The following SERPINE3 variants were observed in gnomAD, a reference collection of about 807,000 sequenced individuals.
SERPINE3 encodes serpin family E member 3.
Under a neutral mutation model 41.7 loss-of-function variants are expected in SERPINE3, and 43 were observed. The ratio of observed to expected loss-of-function variants is 1.03; its 90% CI spans 0.81 to 1.33. The LOEUF is 1.33. SERPINE3 is among the 40% of genes most tolerant of loss of function. The probability of loss-of-function intolerance (pLI) is 0.00; values close to 1 mark genes in which losing one functional copy is unlikely to be tolerated. For missense variants in SERPINE3, 440 were observed against 491.7 expected, an observed-to-expected ratio of 0.89 and a Z score of 0.99; for synonymous variants, 200 against 192.2, an observed-to-expected ratio of 1.04 and a Z score of -0.34.
At chr13:51,348,147 G>T in intron 5 of SERPINE3, 66 bp from the exon 6 acceptor site, 1 of 1,266,942 alleles carries the variant, frequency 7.9e-7, no homozygotes, top group African/African-American at 1.5e-5. Flanking sequence ...CTCTCTCAGG[G>T]TCCGACACTG....
chr13:51,362,526 C>A (rs1353210774), intron 9 of SERPINE3: 1 of 152,526 alleles, frequency 6.6e-6, no homozygotes, highest in Non-Finnish European at 1.5e-5. Context: ...TCTTAATGTT[C>A]TTCCTCCCCC....
intron 8 of SERPINE3, 179 bp from the exon 9 acceptor site, chr13:51,361,631 T>C (rs938625198): frequency 1.6e-6 from 1 of 609,818 alleles, no homozygotes; most frequent in Non-Finnish European, 2.8e-6. Flanking sequence ...GGAGACAGGA[T>C]TGGCTAAATG....
At chr13:51,353,148 C>A (rs1955425474) in intron 6 of SERPINE3, among the ~76,000 whole-genome samples, 1 of 152,090 alleles carries the variant, frequency 6.6e-6, no homozygotes, top group South Asian at 2.1e-4. Flanking sequence ...CCTTCATAGC[C>A]ATACAAGACA....
In SERPINE3 at chr13:51,364,300, T is replaced by G. The variant is rs1955642430; in HGVS notation, c.*18T>G. 1 of 1,389,050 alleles carries G rather than the reference T, an allele frequency of 7.2e-7. No homozygotes were observed. The highest frequency in any genetic ancestry group is 1.4e-5 in the African/African-American group (1 of 69,408). 86.0% of individuals were successfully genotyped at this position (1,389,050 alleles called of 1,614,324 possible). The stretch of plus-strand genomic sequence containing the variant: ...TAGACTAAATGCATGTTCTCCACTT[T>G]CATCAATGCTTTTCTTCATAAAGTT... On this transcript the variant is annotated 3_prime_UTR_variant, in exon 10 of 10. Coordinates refer to ENST00000681248, the MANE Select transcript of SERPINE3 (RefSeq NM_001386375.1).
chr13:51,341,071 G>A lies in SERPINE3; in HGVS notation c.-17-4G>A. On this transcript the variant is annotated splice_polypyrimidine_tract_variant and splice_region_variant and intron_variant, in intron 2 of 9. Coordinates refer to ENST00000681248, the MANE Select transcript of SERPINE3 (RefSeq NM_001386375.1). ...ACCCTGCATCTCTTCCCTCTGAATT[G>A]CAGGAACCCTCCCAGCCTCCATGCC... The A allele has an allele frequency of 6.2e-7, 1 of 1,610,026 alleles. No homozygotes were observed. Among genetic ancestry groups the A allele is most frequent in the Non-Finnish European group, 8.5e-7 (1 of 1,177,664 alleles).
Position 51,347,101 on chromosome 13 carries a change from G to T in SERPINE3, c.567G>T (p.Val189=). The change falls in exon 5 of 10, where the codon GTG becomes GTT. Residue 189 remains valine, a synonymous_variant. Transcript: ENST00000681248. The part of the protein sequence containing the change: ...VSAAFAQLVL[V]STMSFQGTWR... ...CAGCATTTGCTCAGCTTGTGCTTGT[G>T]AGCACCATGTCCTTCCAAGGCACTT... The T allele has an allele frequency of 1.2e-6, 2 of 1,610,614 alleles. No individual in the cohort carries two copies. The highest frequency in any genetic ancestry group is 1.7e-6 in the Non-Finnish European group (2 of 1,178,484).
chr13:51,354,977 T>C, intron 6 of SERPINE3, 66 bp from the exon 7 acceptor site: 1 of 771,966 alleles, frequency 1.3e-6, no homozygotes, highest in Non-Finnish European at 2.2e-6. Flanking sequence ...TTGGACTTCA[T>C]GTGGTGTGTA....
At position 51,361,384 on chromosome 13, in the gene SERPINE3, A is replaced by C; in HGVS notation, c.1087+20A>C. 1.4e-6 allele frequency: 2 copies of C among 1,444,656 alleles called. No individual in the cohort carries two copies. The highest frequency in any genetic ancestry group is 4.6e-5 in the East Asian group (2 of 43,822). 89.5% of individuals were successfully genotyped at this position (1,444,656 alleles called of 1,614,324 possible). ...CCACAGGTATGTTCAGAGAATACCC[A>C]GTCACACTGCTTACCCATATCTACC... On this transcript the variant is annotated intron_variant, in intron 8 of 9. Coordinates refer to ENST00000681248, the MANE Select transcript of SERPINE3 (RefSeq NM_001386375.1).
Position 51,364,290 on chromosome 13 carries a change from T to C in SERPINE3, c.*8T>C, listed in dbSNP as rs1414597213. On this transcript the variant is annotated 3_prime_UTR_variant, in exon 10 of 10. Coordinates refer to ENST00000681248, the MANE Select transcript of SERPINE3 (RefSeq NM_001386375.1). ...TCAAATCCCCTAGACTAAATGCATG[T>C]TCTCCACTTTCATCAATGCTTTTCT... The C allele has an allele frequency of 1.5e-5, 22 of 1,432,236 alleles. No homozygotes were observed. The highest frequency in any genetic ancestry group is 2.0e-5 in the Non-Finnish European group (21 of 1,062,138). The allele number at this position is 1,432,236 out of a possible 1,614,324, so 88.7% of individuals were successfully genotyped here.
At chr13:51,343,727 G>A (rs1010660019) in intron 3 of SERPINE3, among the ~76,000 whole-genome samples, 7 of 152,190 alleles carry the variant, frequency 4.6e-5, no homozygotes, top group Non-Finnish European at 8.8e-5. Flanking sequence ...GAATCCAAAT[G>A]TTACTCAGGC....
chr13:51,355,108 T>G lies in SERPINE3; in HGVS notation c.965T>G (p.Phe322Cys). The G allele has an allele frequency of 6.5e-7, 1 of 1,548,640 alleles. No homozygotes were observed. Among genetic ancestry groups the G allele is most frequent in the Middle Eastern group, 1.7e-4 (1 of 5,986 alleles). The change falls in exon 7 of 10, where the codon TTT (phenylalanine) becomes TGT (cysteine). Residue 322 changes from phenylalanine to cysteine, a missense_variant. Transcript: ENST00000681248. ...AATTCTTGGGGAGTCACCGATCTTTTTGATCCACTCAAAGCTAACTTGAAA... is the reference window on the plus strand; with the variant it reads ...AATTCTTGGGGAGTCACCGATCTTTGTGATCCACTCAAAGCTAACTTGAAA... Reference protein sequence around the residue: ...ILNSWGVTDLFDPLKANLKGI... With the variant: ...ILNSWGVTDLCDPLKANLKGI...
rs761871899 is a variant in SERPINE3 at position 51,355,012 on chromosome 13, TG to T, written c.900-30del. 4.4e-6 allele frequency: 5 copies of T among 1,135,268 alleles called. No homozygotes were observed. The Admixed American group carries it at 6.1e-5, about 14-fold the overall frequency. The allele number at this position is 1,135,268 out of a possible 1,614,324, so 70.3% of individuals were successfully genotyped here. A position where few individuals can be genotyped will look rare whatever the true frequency, so the allele number is the denominator to read the frequency against. ...ATGAAAGTATATTGAGTGAGAATTTTGAAAGTTGATGGTTTGTTTTTGCCTT... is the reference window on the plus strand; with the variant it reads ...ATGAAAGTATATTGAGTGAGAATTTTAAAGTTGATGGTTTGTTTTTGCCTT... On this transcript the variant is annotated intron_variant, in intron 6 of 9. Transcript: ENST00000681248.
intron 7 of SERPINE3, among the ~76,000 whole-genome samples, chr13:51,360,768 G>A (rs1242019308): frequency 6.6e-6 from 1 of 152,020 alleles, no homozygotes; most frequent in Admixed American, 6.6e-5. Context: ...AATAAAGCCT[G>A]TAATAAAAAC....
chr13:51,352,174 G>A (rs571570854), intron 6 of SERPINE3, among the ~76,000 whole-genome samples: 1 of 152,168 alleles, frequency 6.6e-6, no homozygotes, highest in Non-Finnish European at 1.5e-5. Flanking sequence ...CAGGGATTGT[G>A]TTGAATCTGC....
chr13:51,343,348 C>T (rs1430069885), intron 3 of SERPINE3, among the ~76,000 whole-genome samples: 1 of 152,180 alleles, frequency 6.6e-6, no homozygotes, highest in Non-Finnish European at 1.5e-5. Flanking sequence ...GAATGAGAAG[C>T]TTGGGGTACG....
intron 7 of SERPINE3, among the ~76,000 whole-genome samples, chr13:51,360,663 CAT>C (rs1566197430): frequency 6.6e-6 from 1 of 151,980 alleles, no homozygotes; most frequent in Non-Finnish European, 1.5e-5. Context: ...GATTCTAGCC[CAT>C]GAGGCAAATT....
intron 5 of SERPINE3, 93 bp downstream of exon 5, chr13:51,347,327 C>G (rs986699064): frequency 9.1e-7 from 1 of 1,100,010 alleles, no homozygotes; most frequent in Admixed American, 2.0e-5. Context: ...CCTAAGGGAT[C>G]GGGATGTGTT....
At chr13:51,362,218 C>T (rs1298018083) in intron 9 of SERPINE3, 1 of 538,106 alleles carries the variant, frequency 1.9e-6, no homozygotes, top group Non-Finnish European at 2.9e-6. Flanking sequence ...ATAAATCTTG[C>T]CCTTTTTTCC....
rs776491009 is a variant in SERPINE3, at chr13:51,340,880, G to A, written c.-18+19G>A. 1.7e-6 allele frequency: 1 copy of A among 596,192 alleles called. No individual in the cohort carries two copies. The highest frequency in any genetic ancestry group is 3.0e-6 in the Non-Finnish European group (1 of 336,170). 36.9% of individuals were successfully genotyped at this position (596,192 alleles called of 1,614,324 possible). On this transcript the variant is annotated intron_variant, in intron 2 of 9. Transcript: ENST00000681248. Reference sequence around the variant, plus strand: ...GACCACAGTGAGTATTTCTAATGCTGAAACAAGAGGGTGCAGCTCTGCAGC... The same window carrying A: ...GACCACAGTGAGTATTTCTAATGCTAAAACAAGAGGGTGCAGCTCTGCAGC...
Sources: allele counts gnomAD v4.1 joint callset (sites outside exome capture counted in the v4.1 genomes callset), GRCh38; gene constraint gnomAD v4.1.1; transcripts MANE v1.5; gene names NCBI Gene and HGNC (gene_info 2026-07-23, HGNC 2026-07-21).